SH3GL2: variants seen among roughly 807,000 people sequenced by gnomAD.
SH3GL2 encodes SH3 domain containing GRB2 like 2, endophilin A1, also known as endophilin-A1.
SH3GL2 carries 24 observed loss-of-function variants against 46.0 expected under a neutral mutation model. That is an observed-to-expected ratio of 0.52 (90% CI 0.38 to 0.73). SH3GL2 has a LOEUF of 0.73. Among genes scored for constraint, SH3GL2 ranks in the 30% least tolerant of loss-of-function variants. The pLI, the probability that SH3GL2 is intolerant of heterozygous loss-of-function variation, is 0.00. For missense variants in SH3GL2, 413 were observed against 424.2 expected (o/e 0.97, Z 0.23); for synonymous variants, 196 against 147.1 (o/e 1.33, Z -2.40).
At chr9:17,741,998 C>G (rs1318479414) in intron 1 of SH3GL2, among the ~76,000 whole-genome samples, 1 of 152,048 alleles carries the variant, frequency 6.6e-6, no homozygotes, top group Non-Finnish European at 1.5e-5. Context: ...GCAAAGGGAA[C>G]AAACAGCACA....
At chr9:17,743,022 T>A (rs1822572974) in intron 1 of SH3GL2, among the ~76,000 whole-genome samples, 2 of 152,178 alleles carry the variant, frequency 1.3e-5, no homozygotes, top group African/African-American at 4.8e-5. Flanking sequence ...ATTTTAGATA[T>A]CACCTCAGTG....
intron 3 of SH3GL2, among the ~76,000 whole-genome samples, chr9:17,780,079 T>C (rs1273062971): frequency 6.6e-6 from 1 of 152,124 alleles, no homozygotes; most frequent in Non-Finnish European, 1.5e-5. Context: ...GGAGTGAAAT[T>C]TCTGAATTTG....
At chr9:17,680,196 A>T (rs139277775) in intron 1 of SH3GL2, among the ~76,000 whole-genome samples, 2,675 of 152,248 alleles carry the variant, frequency 0.018, 83 homozygotes, top group African/African-American at 0.062. Flanking sequence ...ATAGTTTCAG[A>T]TGGAATGGTA....
chr9:17,788,742 A>G (rs949467834), intron 5 of SH3GL2, among the ~76,000 whole-genome samples: 9 of 152,038 alleles, frequency 5.9e-5, no homozygotes, highest in East Asian at 1.9e-4. Context: ...CTTGAGTTCA[A>G]TTATATGTCA....
At chr9:17,746,757 C>T (rs560838929) in intron 1 of SH3GL2, among the ~76,000 whole-genome samples, 1 of 152,160 alleles carries the variant, frequency 6.6e-6, no homozygotes, top group Non-Finnish European at 1.5e-5. Context: ...TCCCTTAGAA[C>T]TTTCAAGAGG....
rs778196221 is a variant in SH3GL2 at position 17,795,696 on chromosome 9, T to G, written c.1012T>G (p.Phe338Val). The G allele has an allele frequency of 1.2e-6, 2 of 1,614,050 alleles. No individual in the cohort carries two copies. The highest frequency in any genetic ancestry group is 2.2e-5 in the South Asian group (2 of 91,066). Residue 338 changes from phenylalanine (F) to valine (V), a missense_variant, in exon 9 of 9, where the codon TTC becomes GTC. By Grantham distance (50) the Phe-to-Val change is conservative. Coordinates refer to ENST00000380607, the MANE Select transcript of SH3GL2 (RefSeq NM_003026.5). ...YEGMLHGHSG[F>V]FPINYVEILV... ...GGGGATGCTGCATGGCCATTCAGGC[T>G]TCTTCCCCATCAATTATGTGGAAAT...
chr9:17,789,243 T>C (rs989847125), intron 5 of SH3GL2, 149 bp from the exon 6 acceptor site: 1 of 611,898 alleles, frequency 1.6e-6, no homozygotes, highest in Non-Finnish European at 2.9e-6. Context: ...GCCCCATTGA[T>C]GCATGTTTCT....
intron 1 of SH3GL2, among the ~76,000 whole-genome samples, chr9:17,596,523 C>A (rs1446087671): frequency 6.6e-6 from 1 of 152,116 alleles, no homozygotes; most frequent in African/African-American, 2.4e-5. Flanking sequence ...CCACGAGTCT[C>A]CTGGGCATCT....
At chr9:17,733,636 C>T (rs1049480202) in intron 1 of SH3GL2, among the ~76,000 whole-genome samples, 7 of 151,290 alleles carry the variant, frequency 4.6e-5, no homozygotes, top group East Asian at 3.9e-4. Context: ...ACCCAAAGGA[C>T]TATAAATCAT....
intron 1 of SH3GL2, among the ~76,000 whole-genome samples, chr9:17,687,433 A>G (rs1008890713): frequency 1.5e-5 from 2 of 137,370 alleles, no homozygotes; most frequent in African/African-American, 5.6e-5. Flanking sequence ...GCTGAATGGT[A>G]ACACTGAGAC....
intron 1 of SH3GL2, among the ~76,000 whole-genome samples, 161 bp from the exon 2 acceptor site, chr9:17,746,905 C>T (rs1822705461): frequency 6.6e-6 from 1 of 152,188 alleles, no homozygotes; most frequent in African/African-American, 2.4e-5. Context: ...TTCAGACCCT[C>T]AGAGCCACAG....
chr9:17,594,014 G>A (rs7859530), intron 1 of SH3GL2, among the ~76,000 whole-genome samples: 110,444 of 152,096 alleles, frequency 0.73, 40,323 homozygotes, highest in African/African-American at 0.77. Flanking sequence ...CTGACGTTCT[G>A]TGCTTCTGGT....
chr9:17,650,528 C>G (rs1244111004), intron 1 of SH3GL2, among the ~76,000 whole-genome samples: 1 of 152,058 alleles, frequency 6.6e-6, no homozygotes, highest in African/African-American at 2.4e-5. Context: ...TGTGCCACCA[C>G]GCCTGGCTAA....
chr9:17,611,914 A>G (rs894531145), intron 1 of SH3GL2, among the ~76,000 whole-genome samples: 7 of 152,214 alleles, frequency 4.6e-5, no homozygotes, highest in Non-Finnish European at 8.8e-5. Flanking sequence ...CTTTCCCACC[A>G]TAAAGTAATA....
At chr9:17,733,683 C>T (rs778174531) in intron 1 of SH3GL2, among the ~76,000 whole-genome samples, 47 of 151,936 alleles carry the variant, frequency 3.1e-4, no homozygotes, top group Non-Finnish European at 3.1e-4. Context: ...GTGTTTATTG[C>T]GGCACTATTC....
At chr9:17,740,276 C>G (rs1326364889) in intron 1 of SH3GL2, among the ~76,000 whole-genome samples, 1 of 151,964 alleles carries the variant, frequency 6.6e-6, no homozygotes, top group Non-Finnish European at 1.5e-5. Context: ...TTTAAGCATT[C>G]CAACTTAATG....
intron 1 of SH3GL2, among the ~76,000 whole-genome samples, chr9:17,624,916 G>A (rs1036919156): frequency 6.6e-6 from 1 of 152,146 alleles, no homozygotes; most frequent in East Asian, 1.9e-4. Flanking sequence ...TGGAAATGTT[G>A]GGGTACTGAG....
chr9:17,582,867 C>T (rs1818302931), intron 1 of SH3GL2, among the ~76,000 whole-genome samples: 1 of 152,160 alleles, frequency 6.6e-6, no homozygotes, highest in Non-Finnish European at 1.5e-5. Context: ...GTAGATACAT[C>T]ACCTTGGTCT....
intron 1 of SH3GL2, among the ~76,000 whole-genome samples, chr9:17,582,066 C>T (rs898323902): frequency 1.3e-4 from 20 of 152,040 alleles, no homozygotes; most frequent in African/African-American, 4.6e-4. Context: ...TGTTAGTAAG[C>T]GATGATAAAT....
Sources: allele counts gnomAD v4.1 joint callset (sites outside exome capture counted in the v4.1 genomes callset), GRCh38; gene constraint gnomAD v4.1.1; transcripts MANE v1.5; gene names NCBI Gene and HGNC (gene_info 2026-07-23, HGNC 2026-07-21).